BRDT: variants seen among roughly 807,000 people sequenced by gnomAD.
BRDT encodes the protein bromodomain testis-specific protein.
A neutral mutation model predicts 113.9 loss-of-function variants in BRDT; 77 were observed. That is an observed-to-expected ratio of 0.68 (90% CI 0.56 to 0.82). BRDT has a LOEUF of 0.82. Ranked by LOEUF, BRDT falls within the 40% of genes least tolerant of loss-of-function variation. BRDT has a pLI of 0.00. For missense variants in BRDT, 1,027 were observed against 1,105.4 expected, an observed-to-expected ratio of 0.93 and a Z score of 1.01; for synonymous variants, 358 against 366.5, an observed-to-expected ratio of 0.98 and a Z score of 0.26.
chr1:92,002,091 C>T lies in BRDT; in HGVS notation c.2330C>T (p.Pro777Leu), dbSNP rs202247082. Residue 777 changes from proline to leucine, a missense_variant, in exon 16 of 19, where the codon CCA becomes CTA. Pro to Leu is a moderately conservative substitution (Grantham distance 98). Coordinates refer to ENST00000399546, the MANE Select transcript of BRDT (RefSeq NM_207189.4). Reference sequence around the variant, plus strand: ...TCAAATGGCATAACTGTGATGCATCCATCTGGTGATAGTGACACAACGATG... The same window carrying T: ...TCAAATGGCATAACTGTGATGCATCTATCTGGTGATAGTGACACAACGATG... ...QLSNGITVMH[P>L]SGDSDTTMLE... is the part of the protein sequence containing the mutation. 4.2e-5 allele frequency: 68 copies of T among 1,613,922 alleles called. No homozygotes were observed. In the Admixed American group the frequency reaches 1.1e-3, roughly 27 times the overall value.
At chr1:91,993,902 C>T (rs111523466) in intron 14 of BRDT, among the ~76,000 whole-genome samples, 181 bp from the exon 15 acceptor site, 168 of 152,252 alleles carry the variant, frequency 1.1e-3, no homozygotes, top group African/African-American at 3.9e-3. Flanking sequence ...TGCTTTTAAA[C>T]CCCAGTTTGC....
chr1:91,992,345 G>A, intron 14 of BRDT, 31 bp downstream of exon 14: 1 of 1,452,798 alleles, frequency 6.9e-7, no homozygotes, highest in Non-Finnish European at 9.3e-7. Flanking sequence ...TAAAGAACAG[G>A]GGAAGAAATG....
intron 18 of BRDT, among the ~76,000 whole-genome samples, chr1:92,006,642 A>G (rs1687334847): frequency 6.6e-6 from 1 of 151,482 alleles, no homozygotes; most frequent in Non-Finnish European, 1.5e-5. Flanking sequence ...AATGTTTTGT[A>G]TTTTTAATAG....
At chr1:91,991,959 T>A (rs112330812) in intron 13 of BRDT, among the ~76,000 whole-genome samples, 2,275 of 117,916 alleles carry the variant, frequency 0.019, 43 homozygotes, top group African/African-American at 0.058. Flanking sequence ...GCCACTGCAC[T>A]CCAGCCTGGG....
chr1:91,981,401 T>C lies in BRDT; in HGVS notation c.1864+20T>C, dbSNP rs1684714052. 8.8e-6 allele frequency: 14 copies of C among 1,588,050 alleles called. No individual in the cohort carries two copies. Among genetic ancestry groups the C allele is most frequent in the Non-Finnish European group, 1.2e-5 (14 of 1,158,904 alleles). The stretch of plus-strand genomic sequence containing the variant: ...CAAAATGTAGGTGGCAGTTTTTGTT[T>C]GTTTGTATGTATGTATGTATGTATG... On this transcript the variant is annotated intron_variant, in intron 11 of 18. Transcript: ENST00000399546.
intron 4 of BRDT, among the ~76,000 whole-genome samples, chr1:91,972,922 A>G (rs1683767259): frequency 6.6e-6 from 1 of 152,206 alleles, no homozygotes; most frequent in Non-Finnish European, 1.5e-5. Flanking sequence ...GGAAATAGCT[A>G]TATGTTGTAT....
In BRDT at chr1:91,981,182, T is replaced by G. The variant is rs776951336; in HGVS notation, c.1750+4T>G. ...AAGAGACCATTAAAACCTCCTGGTA[T>G]GTATTTCTGCATATTAATAGAAATC... On this transcript the variant is annotated splice_donor_region_variant and intron_variant, in intron 10 of 18. Coordinates refer to ENST00000399546, the MANE Select transcript of BRDT (RefSeq NM_207189.4). The G allele has an allele frequency of 1.0e-5, 16 of 1,607,834 alleles. No homozygotes were observed. The South Asian group carries it at 1.7e-4, about 17-fold the overall frequency.
intron 4 of BRDT, among the ~76,000 whole-genome samples, chr1:91,973,213 T>C (rs1482171132): frequency 1.3e-5 from 2 of 152,118 alleles, no homozygotes; most frequent in Non-Finnish European, 2.9e-5. Context: ...AGTGAGGTAG[T>C]GTGATGCCTC....
intron 1 of BRDT, chr1:91,950,001 G>T (rs1284419157): frequency 6.6e-6 from 1 of 152,208 alleles, no homozygotes; most frequent in East Asian, 1.9e-4. Flanking sequence ...TGTTTATTCT[G>T]CAAGTGGTCA....
Position 92,014,210 on chromosome 1 carries a change from T to C in BRDT, c.2780T>C (p.Val927Ala). The C allele has an allele frequency of 6.3e-7, 1 of 1,585,576 alleles. No homozygotes were observed. Among genetic ancestry groups the C allele is most frequent in the Non-Finnish European group, 8.5e-7 (1 of 1,170,302 alleles). Residue 927 changes from valine (V) to alanine (A), a missense_variant, in exon 19 of 19, where the codon GTG (valine) becomes GCG (alanine). Val to Ala is a moderately conservative substitution (Grantham distance 64). Coordinates refer to ENST00000399546, the MANE Select transcript of BRDT (RefSeq NM_207189.4). ...EQERRRREAM[V>A]GTIDMTLQSD... Reference sequence around the variant, plus strand: ...AATTTTCTGCTTTTTCTACAGATGGTGGGTACCATTGATATGACCCTTCAA... The same window carrying C: ...AATTTTCTGCTTTTTCTACAGATGGCGGGTACCATTGATATGACCCTTCAA...
At chr1:91,992,199 A>T in intron 13 of BRDT, 65 bp from the exon 14 acceptor site, 1 of 906,318 alleles carries the variant, frequency 1.1e-6, no homozygotes, top group Non-Finnish European at 1.6e-6. Context: ...TTTGTGAAAA[A>T]GAAATATAAT....
intron 6 of BRDT, 186 bp downstream of exon 6, chr1:91,977,579 C>G: frequency 3.9e-6 from 2 of 514,878 alleles, no homozygotes; most frequent in Non-Finnish European, 6.5e-6. Context: ...TGAACATGTC[C>G]ATGGTTCTAG....
intron 1 of BRDT, among the ~76,000 whole-genome samples, chr1:91,953,800 G>A (rs1227092491): frequency 6.6e-6 from 1 of 152,130 alleles, no homozygotes; most frequent in Non-Finnish European, 1.5e-5. Context: ...TTGTGTGATT[G>A]TCTTCAACAA....
chr1:92,010,759 T>TA (rs773037041), intron 18 of BRDT, among the ~76,000 whole-genome samples: 6 of 152,192 alleles, frequency 3.9e-5, no homozygotes, highest in East Asian at 3.8e-4. Context: ...TGGTTTTTTT[T>TA]ATCTCTATTA....
chr1:92,009,545 C>CTTTT (rs59044630), intron 18 of BRDT, among the ~76,000 whole-genome samples: 66,137 of 103,312 alleles, frequency 0.64, 22,354 homozygotes, highest in Non-Finnish European at 0.73. Flanking sequence ...CAACTTGCCA[C>CTTTT]TTTTTTTTTT....
intron 14 of BRDT, among the ~76,000 whole-genome samples, chr1:91,993,036 C>A (rs754555350): frequency 6.6e-6 from 1 of 152,090 alleles, no homozygotes; most frequent in Non-Finnish European, 1.5e-5. Flanking sequence ...GAAAAAAATG[C>A]CTATTTATGG....
At chr1:91,965,891 C>G (rs998448043) in intron 3 of BRDT, among the ~76,000 whole-genome samples, 7 of 151,770 alleles carry the variant, frequency 4.6e-5, no homozygotes, top group Non-Finnish European at 8.8e-5. Context: ...TCCTTTGATT[C>G]TCCCTTTTGC....
At chr1:91,991,991 C>CAAAAAAAAAAAAAAAAAAAAAAA (rs764759925) in intron 13 of BRDT, among the ~76,000 whole-genome samples, 5 of 67,740 alleles carry the variant, frequency 7.4e-5, no homozygotes, top group Admixed American at 2.4e-4. Context: ...GACTCTGTCT[C>CAAAAAAAAAAAAAAAAAAAAAAA]AAAAAAAAAA....
intron 1 of BRDT, among the ~76,000 whole-genome samples, chr1:91,959,605 C>T (rs1046746883): frequency 6.6e-6 from 1 of 151,784 alleles, no homozygotes; most frequent in Non-Finnish European, 1.5e-5. Context: ...TTCAGCCTCC[C>T]GAGTAGCTGG....
Sources: gnomAD v4.1 joint callset for allele counts (sites outside exome capture counted in the v4.1 genomes callset) on GRCh38, gnomAD v4.1.1 for gene constraint, MANE v1.5 for transcripts, NCBI Gene and HGNC (gene_info 2026-07-23, HGNC 2026-07-21) for gene names.